The following AKAP10 variants were observed in gnomAD, a reference collection of about 807,000 sequenced individuals.
AKAP10 encodes the protein A-kinase anchor protein 10, mitochondrial.
In AKAP10, 24 loss-of-function variants were observed where a neutral mutation model predicts 80.8. That is an observed-to-expected ratio of 0.30 (90% CI 0.22 to 0.42). The LOEUF (loss-of-function observed/expected upper bound fraction) is 0.42. AKAP10 is among the 10% of genes least tolerant of loss of function. The probability of loss-of-function intolerance (pLI) is 1.00; values close to 1 mark genes in which losing one functional copy is unlikely to be tolerated. For missense variants in AKAP10, 661 were observed against 794.9 expected (o/e 0.83, Z 2.03); for synonymous variants, 291 against 277.7 (o/e 1.05, Z -0.48).
At chr17:19,930,991 G>A (rs966231136) in intron 10 of AKAP10, among the ~76,000 whole-genome samples, 1 of 151,944 alleles carries the variant, frequency 6.6e-6, no homozygotes, top group Non-Finnish European at 1.5e-5. Flanking sequence ...TTACAGGCGT[G>A]AACCATCATG....
intron 4 of AKAP10, among the ~76,000 whole-genome samples, chr17:19,951,230 T>TG (rs779601719): frequency 5.4e-5 from 5 of 92,298 alleles, no homozygotes; most frequent in East Asian, 2.8e-4. Flanking sequence ...GGGAGGGAGG[T>TG]GGGGGGTCAG....
intron 10 of AKAP10, among the ~76,000 whole-genome samples, chr17:19,930,668 G>A (rs1000311322): frequency 1.3e-5 from 2 of 151,890 alleles, no homozygotes; most frequent in African/African-American, 2.4e-5. Context: ...TTGAGGTCAG[G>A]GGTTCAAGAC....
intron 4 of AKAP10, among the ~76,000 whole-genome samples, chr17:19,957,472 T>C (rs1053967153): frequency 7.3e-5 from 11 of 151,720 alleles, no homozygotes; most frequent in Admixed American, 5.3e-4. Context: ...AACCCGGAGG[T>C]TGCAGTGAGC....
chr17:19,953,878 A>G (rs950316915), intron 4 of AKAP10, among the ~76,000 whole-genome samples: 4 of 152,152 alleles, frequency 2.6e-5, no homozygotes, highest in Non-Finnish European at 5.9e-5. Context: ...TTAAAAATAC[A>G]AAAATTAGTC....
chr17:19,927,411 A>G (rs1387076836), intron 10 of AKAP10, among the ~76,000 whole-genome samples: 1 of 152,200 alleles, frequency 6.6e-6, no homozygotes, highest in African/African-American at 2.4e-5. Flanking sequence ...GAATGAAGAA[A>G]ATACCTGGAA....
chr17:19,957,534 CA>C (rs56795429), intron 4 of AKAP10, among the ~76,000 whole-genome samples: 63,607 of 147,466 alleles, frequency 0.43, 14,099 homozygotes, highest in African/African-American at 0.57. Context: ...GACTCCATCT[CA>C]AAAAAAAAAA....
At chr17:19,920,003 A>C in intron 12 of AKAP10, 33 bp downstream of exon 12, 1 of 1,555,044 alleles carries the variant, frequency 6.4e-7, no homozygotes, top group Non-Finnish European at 8.8e-7. Context: ...ATGTGAGTAA[A>C]GGCTTAATAT....
rs775988115 is a variant in AKAP10, at chr17:19,924,526, G to GA, written c.1642-10dup. ...GCTTTTTTCACACTGGACTACAATA[G>GA]AAATTGTAAAATTAGAAGTATATGA... On this transcript the variant is annotated splice_polypyrimidine_tract_variant and intron_variant, in intron 10 of 14. Coordinates refer to ENST00000225737, the MANE Select transcript of AKAP10 (RefSeq NM_007202.4). 10 of 1,546,894 alleles carry GA rather than the reference G, an allele frequency of 6.5e-6. No individual in the cohort carries two copies. In the East Asian group the frequency reaches 2.0e-4, roughly 32 times the overall value.
chr17:19,909,942 T>C lies in AKAP10; in HGVS notation c.1871A>G (p.Gln624Arg), dbSNP rs1393680402. The change falls in exon 13 of 15, where the codon CAA becomes CGA. Residue 624 changes from glutamine (Q) to arginine (R), a missense_variant. Coordinates refer to ENST00000225737, the MANE Select transcript of AKAP10 (RefSeq NM_007202.4). ...AGGATTTACCTCATCAGTATTTCCT[T>C]GCACCCATTTCTTCATAGCTTGTGA... is the stretch of plus-strand genomic sequence containing the variant. ...MFSQAMKKWV[Q>R]GNTDEAQEEL... 1 of 1,613,944 alleles carries C rather than the reference T, an allele frequency of 6.2e-7. No homozygotes were observed.
intron 14 of AKAP10, among the ~76,000 whole-genome samples, chr17:19,908,061 C>T (rs1156874508): frequency 1.3e-5 from 2 of 151,810 alleles, no homozygotes; most frequent in African/African-American, 2.4e-5. Flanking sequence ...GACGGGGTTG[C>T]ACCATGTTAG....
At chr17:19,976,812 C>T (rs2043574164) in intron 1 of AKAP10, among the ~76,000 whole-genome samples, 1 of 152,174 alleles carries the variant, frequency 6.6e-6, no homozygotes, top group South Asian at 2.1e-4. Flanking sequence ...CCACCGCGCC[C>T]GGCCTCTGTC....
intron 3 of AKAP10, 89 bp downstream of exon 3, chr17:19,962,751 T>C: frequency 7.5e-7 from 1 of 1,332,704 alleles, no homozygotes; most frequent in East Asian, 2.4e-5. Context: ...CACTTTCCAA[T>C]TATATAGTTC....
At chr17:19,976,487 CAAAACAAAAAAAG>C (rs986611364) in intron 1 of AKAP10, among the ~76,000 whole-genome samples, 2 of 149,756 alleles carry the variant, frequency 1.3e-5, no homozygotes, top group Admixed American at 6.6e-5. Context: ...AACTCCGTCT[CAAAACAAAAAAAG>C]AAAACAAAAC....
Position 19,977,803 on chromosome 17 carries a change from T to A in AKAP10, c.-124A>T. On this transcript the variant is annotated 5_prime_UTR_variant, in exon 1 of 15. Transcript: ENST00000225737. ...GCCCAGGCAGCTCCAGCCGCCATATTATCAACAAGCCGCCCGCCCGGAGTT... is the reference window on the plus strand; with the variant it reads ...GCCCAGGCAGCTCCAGCCGCCATATAATCAACAAGCCGCCCGCCCGGAGTT... 1.9e-6 allele frequency: 1 copy of A among 524,692 alleles called. No individual in the cohort carries two copies. The highest frequency in any genetic ancestry group is 2.9e-6 in the Non-Finnish European group (1 of 340,570). The allele number at this position is 524,692 out of a possible 1,614,324, so 32.5% of individuals were successfully genotyped here.
chr17:19,933,022 GTT>G (rs2042954081), intron 9 of AKAP10, among the ~76,000 whole-genome samples: 1 of 151,830 alleles, frequency 6.6e-6, no homozygotes. Context: ...TTTGTTGTTT[GTT>G]TTTGTTTTTT....
intron 10 of AKAP10, among the ~76,000 whole-genome samples, chr17:19,926,581 T>G (rs781293345): frequency 2.6e-5 from 4 of 152,202 alleles, no homozygotes; most frequent in Non-Finnish European, 5.9e-5. Flanking sequence ...AAAGTTGAAG[T>G]TGCAAGATCA....
At chr17:19,932,119 A>T (rs984937885) in intron 9 of AKAP10, 141 bp from the exon 10 acceptor site, 2 of 801,910 alleles carry the variant, frequency 2.5e-6, no homozygotes, top group Non-Finnish European at 3.8e-6. Flanking sequence ...TTGTTGTACT[A>T]CAAGTATTAT....
At chr17:19,943,396 T>TCAC (rs915795226) in intron 5 of AKAP10, among the ~76,000 whole-genome samples, 39 of 152,106 alleles carry the variant, frequency 2.6e-4, no homozygotes, top group African/African-American at 8.5e-4. Context: ...GTTGAGCTGA[T>TCAC]CACCAATAGC....
intron 4 of AKAP10, among the ~76,000 whole-genome samples, chr17:19,948,653 T>A (rs997721669): frequency 6.6e-6 from 1 of 151,854 alleles, no homozygotes; most frequent in Non-Finnish European, 1.5e-5. Flanking sequence ...AGGAAAGGGA[T>A]AAAGGGAGGT....
Sources: gnomAD v4.1 joint callset for allele counts (sites outside exome capture counted in the v4.1 genomes callset) on GRCh38, gnomAD v4.1.1 for gene constraint, MANE v1.5 for transcripts, NCBI Gene and HGNC (gene_info 2026-07-23, HGNC 2026-07-21) for gene names.